SLC24A3: variants seen among roughly 807,000 people sequenced by gnomAD.
The protein encoded by SLC24A3 is sodium/potassium/calcium exchanger 3.
A neutral mutation model predicts 75.8 loss-of-function variants in SLC24A3; 28 were observed. The observed-to-expected ratio is 0.37, with a 90% CI of 0.27 to 0.51. The LOEUF is 0.51. Ranked by LOEUF, SLC24A3 falls within the 20% of genes least tolerant of loss-of-function variation. SLC24A3 has a pLI of 0.94. For synonymous variants in SLC24A3, 372 were observed against 334.1 expected (o/e 1.11, Z -1.24); for missense variants, 663 against 847.8 (o/e 0.78, Z 2.71).
Position 19,685,260 on chromosome 20 carries a change from G to T in SLC24A3, c.1223G>T (p.Gly408Val), listed in dbSNP as rs1338765964. The change falls in exon 12 of 17, where the codon GGC becomes GTC. Residue 408 changes from glycine (G) to valine (V), a missense_variant. Physicochemically the swap from Gly to Val is moderately radical, Grantham distance 109 (BLOSUM62 -3). Coordinates refer to ENST00000328041, the MANE Select transcript of SLC24A3 (RefSeq NM_020689.4). ...AGGGACGATGTTGTGGCTGAGGCTG[G>T]CAACGAAACAGAGAATGAAAATGAG... Reference protein sequence around the residue: ...TRRDDVVAEAGNETENENEDN... With the variant: ...TRRDDVVAEAVNETENENEDN... The T allele has an allele frequency of 1.2e-6, 2 of 1,614,142 alleles. No individual in the cohort carries two copies. Among genetic ancestry groups the T allele is most frequent in the South Asian group, 2.2e-5 (2 of 91,078 alleles).
chr20:19,388,402 T>G (rs1029539491), intron 2 of SLC24A3, among the ~76,000 whole-genome samples: 12 of 152,206 alleles, frequency 7.9e-5, no homozygotes, highest in Admixed American at 7.2e-4. Context: ...TAAATTCTAT[T>G]TTGTCTGATA....
intron 6 of SLC24A3, among the ~76,000 whole-genome samples, chr20:19,603,462 A>C (rs542123273): frequency 6.6e-6 from 1 of 152,172 alleles, no homozygotes; most frequent in South Asian, 2.1e-4. Flanking sequence ...GTGCTCACGT[A>C]TCAAGTGGGA....
chr20:19,611,251 C>T (rs1383988459), intron 6 of SLC24A3, among the ~76,000 whole-genome samples: 6 of 152,204 alleles, frequency 3.9e-5, no homozygotes, highest in Non-Finnish European at 8.8e-5. Context: ...TCATTCAGCC[C>T]ATCTCCACTG....
intron 6 of SLC24A3, among the ~76,000 whole-genome samples, chr20:19,594,103 C>CA (rs1442139366): frequency 1.3e-5 from 2 of 152,084 alleles, no homozygotes; most frequent in Non-Finnish European, 2.9e-5. Context: ...CACCCTTGGG[C>CA]AAAAAAGCAC....
At chr20:19,250,363 T>G (rs1982613992) in intron 1 of SLC24A3, among the ~76,000 whole-genome samples, 1 of 152,242 alleles carries the variant, frequency 6.6e-6, no homozygotes, top group African/African-American at 2.4e-5. Context: ...CATCTTGGCA[T>G]GCCAAATGGG....
intron 3 of SLC24A3, among the ~76,000 whole-genome samples, chr20:19,550,268 G>T (rs564370099): frequency 1.3e-5 from 2 of 151,490 alleles, no homozygotes; most frequent in East Asian, 1.9e-4. Flanking sequence ...TTTCTTTTTG[G>T]CTCTTTAAAA....
At chr20:19,639,665 G>A (rs534586623) in intron 6 of SLC24A3, among the ~76,000 whole-genome samples, 8 of 152,348 alleles carry the variant, frequency 5.3e-5, no homozygotes, top group Admixed American at 5.2e-4. Context: ...ATGGGACTGG[G>A]TGCCGAGGAG....
At chr20:19,501,851 T>G (rs1420975233) in intron 2 of SLC24A3, among the ~76,000 whole-genome samples, 2 of 152,132 alleles carry the variant, frequency 1.3e-5, no homozygotes, top group East Asian at 1.9e-4. Flanking sequence ...CATCCTAGCT[T>G]GTCAGCCCAT....
At chr20:19,279,991 G>C (rs1420205239) in intron 1 of SLC24A3, among the ~76,000 whole-genome samples, 1 of 152,196 alleles carries the variant, frequency 6.6e-6, no homozygotes, top group Non-Finnish European at 1.5e-5. Flanking sequence ...ACTGTTCTCT[G>C]GGTCAAGGAG....
chr20:19,605,380 T>C (rs533001334), intron 6 of SLC24A3, among the ~76,000 whole-genome samples: 1 of 152,356 alleles, frequency 6.6e-6, no homozygotes, highest in East Asian at 1.9e-4. Flanking sequence ...CAATTAAGAC[T>C]TCTACTAAGC....
chr20:19,604,116 T>C (rs553694069), intron 6 of SLC24A3, among the ~76,000 whole-genome samples: 1 of 152,274 alleles, frequency 6.6e-6, no homozygotes, highest in Admixed American at 6.5e-5. Flanking sequence ...GCCCATGCTC[T>C]CAAGGTGCTT....
intron 1 of SLC24A3, among the ~76,000 whole-genome samples, chr20:19,270,514 C>T (rs1035045620): frequency 2.0e-5 from 3 of 152,098 alleles, no homozygotes; most frequent in Non-Finnish European, 4.4e-5. Flanking sequence ...CTGGTGAGGG[C>T]CCTCTTCTGA....
intron 13 of SLC24A3, 187 bp from the exon 14 acceptor site, chr20:19,696,610 C>T (rs895525780): frequency 1.2e-5 from 6 of 493,642 alleles, no homozygotes; most frequent in African/African-American, 9.6e-5. Flanking sequence ...AGCACCGTCC[C>T]CTGACCTGCA....
chr20:19,258,142 G>A (rs1982871373), intron 1 of SLC24A3, among the ~76,000 whole-genome samples: 1 of 152,180 alleles, frequency 6.6e-6, no homozygotes, highest in Admixed American at 6.5e-5. Context: ...CTGTTTTCAT[G>A]TAAACAGCTG....
At chr20:19,656,099 TA>T (rs2032262433) in intron 7 of SLC24A3, among the ~76,000 whole-genome samples, 1 of 152,174 alleles carries the variant, frequency 6.6e-6, no homozygotes, top group African/African-American at 2.4e-5. Flanking sequence ...TATTTTATTG[TA>T]AGTCTTTATA....
intron 6 of SLC24A3, among the ~76,000 whole-genome samples, chr20:19,651,782 A>G (rs1046693294): frequency 4.0e-5 from 6 of 149,530 alleles, no homozygotes; most frequent in Non-Finnish European, 7.4e-5. Flanking sequence ...AATGGTGTGA[A>G]CCTGTGAGGC....
chr20:19,464,079 A>G (rs1447703951), intron 2 of SLC24A3, among the ~76,000 whole-genome samples: 1 of 152,256 alleles, frequency 6.6e-6, no homozygotes, highest in Non-Finnish European at 1.5e-5. Flanking sequence ...TCACCAGTGA[A>G]AAGATCAGTA....
At chr20:19,706,763 C>T (rs886770254) in intron 15 of SLC24A3, among the ~76,000 whole-genome samples, 3 of 152,076 alleles carry the variant, frequency 2.0e-5, no homozygotes, top group South Asian at 2.1e-4. Flanking sequence ...CTGACAATTC[C>T]GTAGAGAAAG....
At chr20:19,573,586 T>C (rs1286336841) in intron 3 of SLC24A3, among the ~76,000 whole-genome samples, 1 of 152,182 alleles carries the variant, frequency 6.6e-6, no homozygotes, top group Non-Finnish European at 1.5e-5. Context: ...CAGAAGGAGC[T>C]GATTTCAGGA....
Sources: allele counts gnomAD v4.1 joint callset (sites outside exome capture counted in the v4.1 genomes callset), GRCh38; gene constraint gnomAD v4.1.1; transcripts MANE v1.5; gene names NCBI Gene and HGNC (gene_info 2026-07-23, HGNC 2026-07-21).